TSPAN18: variants seen among roughly 807,000 people sequenced by gnomAD.
The protein encoded by TSPAN18 is tetraspanin-18.
TSPAN18 carries 14 observed loss-of-function variants against 27.3 expected under a neutral mutation model. The observed-to-expected ratio is 0.51, with a 90% CI of 0.34 to 0.80. TSPAN18 has a LOEUF of 0.80. TSPAN18 is among the 30% of genes least tolerant of loss of function. TSPAN18 has a pLI of 0.01. For synonymous variants in TSPAN18, 143 were observed against 136.5 expected (o/e 1.05, Z -0.33); for missense variants, 268 against 323.9 (o/e 0.83, Z 1.32).
At chr11:44,873,893 C>G (rs539402104) in intron 3 of TSPAN18, among the ~76,000 whole-genome samples, 4 of 152,286 alleles carry the variant, frequency 2.6e-5, no homozygotes, top group Non-Finnish European at 5.9e-5. Context: ...GAGGATTGGC[C>G]CCTCAGGGGG....
chr11:44,905,644 G>A (rs1362324298), intron 3 of TSPAN18, among the ~76,000 whole-genome samples: 1 of 152,246 alleles, frequency 6.6e-6, no homozygotes, highest in African/African-American at 2.4e-5. Context: ...GCATCTCAGT[G>A]CAGCCCCGGC....
chr11:44,887,596 C>T (rs1006384349), intron 3 of TSPAN18, among the ~76,000 whole-genome samples: 1 of 152,156 alleles, frequency 6.6e-6, no homozygotes, highest in Non-Finnish European at 1.5e-5. Flanking sequence ...CCTGTGTTCA[C>T]CTGCAAAAGG....
intron 3 of TSPAN18, among the ~76,000 whole-genome samples, chr11:44,904,198 C>A (rs1859371911): frequency 6.6e-6 from 1 of 152,196 alleles, no homozygotes; most frequent in African/African-American, 2.4e-5. Context: ...GTTTCCCCTT[C>A]CTAGTAAGAG....
intron 3 of TSPAN18, among the ~76,000 whole-genome samples, chr11:44,890,595 C>T (rs1232031824): frequency 2.0e-5 from 3 of 151,938 alleles, no homozygotes; most frequent in Admixed American, 6.6e-5. Flanking sequence ...TGGTGGCGGG[C>T]GCCTGTAGTC....
At chr11:44,867,261 A>C (rs953671630) in intron 3 of TSPAN18, among the ~76,000 whole-genome samples, 5 of 151,978 alleles carry the variant, frequency 3.3e-5, no homozygotes, top group African/African-American at 7.3e-5. Context: ...ATGGAAGCTC[A>C]AGTTTGAGGG....
chr11:44,866,205 C>G (rs973204206), intron 3 of TSPAN18, among the ~76,000 whole-genome samples: 1 of 152,242 alleles, frequency 6.6e-6, no homozygotes, highest in Non-Finnish European at 1.5e-5. Context: ...TGGGGCCCAG[C>G]ACATCATCGG....
chr11:44,734,744 G>A (rs1222310634), intron 1 of TSPAN18, among the ~76,000 whole-genome samples: 2 of 152,200 alleles, frequency 1.3e-5, no homozygotes, highest in African/African-American at 4.8e-5. Context: ...CTCCCACAGT[G>A]GGTTCAGGGC....
intron 2 of TSPAN18, among the ~76,000 whole-genome samples, chr11:44,819,740 T>G (rs2135118315): frequency 6.6e-6 from 1 of 152,100 alleles, no homozygotes; most frequent in South Asian, 2.1e-4. Flanking sequence ...TTTTTTTCTT[T>G]ATGCATACTG....
At chr11:44,786,256 G>C (rs749591358) in intron 2 of TSPAN18, among the ~76,000 whole-genome samples, 7 of 152,246 alleles carry the variant, frequency 4.6e-5, no homozygotes, top group Non-Finnish European at 7.3e-5. Context: ...GAGGCTCAGA[G>C]GATGGTCCCT....
intron 3 of TSPAN18, 59 bp from the exon 4 acceptor site, chr11:44,906,347 TG>T: frequency 6.7e-7 from 1 of 1,498,722 alleles, no homozygotes; most frequent in Non-Finnish European, 9.3e-7. Context: ...GGGGAGGGGC[TG>T]GGGTTCTTCC....
At chr11:44,806,269 A>T (rs1856592268) in intron 2 of TSPAN18, among the ~76,000 whole-genome samples, 1 of 152,186 alleles carries the variant, frequency 6.6e-6, no homozygotes, top group Non-Finnish European at 1.5e-5. Context: ...TCCTGACCTC[A>T]GGAGATCCAC....
chr11:44,848,925 G>A lies in TSPAN18; in HGVS notation c.-152-11403G>A, dbSNP rs187420849. Among the ~76,000 whole-genome samples the A allele has an allele frequency of 9.2e-4, 140 of 152,346 alleles. 1 individual carries two copies. In the Middle Eastern group the frequency reaches 0.01, roughly 11 times the overall value. ...ATCAGGAGGCAGGTGCTGGGGCCCAGCAGTCAGGCAGAACTGAGTTCAAGT... is the reference window on the plus strand; with the variant it reads ...ATCAGGAGGCAGGTGCTGGGGCCCAACAGTCAGGCAGAACTGAGTTCAAGT... On this transcript the variant is annotated intron_variant, in intron 2 of 9. Coordinates refer to ENST00000520358, the MANE Select transcript of TSPAN18 (RefSeq NM_130783.5).
intron 1 of TSPAN18, chr11:44,736,114 T>C (rs753020463): frequency 3.9e-5 from 6 of 152,232 alleles, no homozygotes; most frequent in Non-Finnish European, 8.8e-5. Flanking sequence ...AGTAAGTGAC[T>C]GGTAAATTAC....
intron 3 of TSPAN18, among the ~76,000 whole-genome samples, chr11:44,901,631 CA>C (rs1406693634): frequency 6.6e-6 from 1 of 152,254 alleles, no homozygotes; most frequent in Non-Finnish European, 1.5e-5. Context: ...AGGCCAGAGA[CA>C]GAAAGTGATT....
chr11:44,890,024 A>G (rs750389408), intron 3 of TSPAN18, among the ~76,000 whole-genome samples: 5 of 152,120 alleles, frequency 3.3e-5, no homozygotes, highest in African/African-American at 9.7e-5. Context: ...GGCTCGTTCC[A>G]TGGAGTTTAG....
chr11:44,871,278 C>T (rs11604664), intron 3 of TSPAN18, among the ~76,000 whole-genome samples: 33,301 of 152,036 alleles, frequency 0.22, 4,156 homozygotes, highest in Non-Finnish European at 0.3. Context: ...GGTAGGGTTC[C>T]TGGTGAAGGC....
Position 44,931,028 on chromosome 11 carries a change from C to A in TSPAN18, c.*1850C>A. ...CTGAGATGCAGCCAGAAGCTCTGTG[C>A]CTGCTGCAAAGATTCAGGTGGACCC... On this transcript the variant is annotated 3_prime_UTR_variant, in exon 10 of 10. Coordinates refer to ENST00000520358, the MANE Select transcript of TSPAN18 (RefSeq NM_130783.5). The A allele has an allele frequency of 2.2e-6, 1 of 456,414 alleles. No individual in the cohort carries two copies. Among genetic ancestry groups the A allele is most frequent in the Non-Finnish European group, 4.5e-6 (1 of 224,514 alleles). 28.3% of individuals were successfully genotyped at this position (456,414 alleles called of 1,614,324 possible).
intron 1 of TSPAN18, among the ~76,000 whole-genome samples, chr11:44,739,288 CT>C (rs1324837632): frequency 6.6e-6 from 1 of 152,032 alleles, no homozygotes; most frequent in East Asian, 1.9e-4. Context: ...CCCTCCGTAT[CT>C]TTTTTTTGGA....
At position 44,756,586 on chromosome 11, in the gene TSPAN18, G is replaced by T. The variant is rs182906952; in HGVS notation, c.-239-7840G>T. On this transcript the variant is annotated intron_variant, in intron 1 of 9. Coordinates refer to ENST00000520358, the MANE Select transcript of TSPAN18 (RefSeq NM_130783.5). ...TTCTTCCCATTTTCCTCTCCTCCCAGCCCCTGGTAACCTCCATTCTATTTC... is the reference window on the plus strand; with the variant it reads ...TTCTTCCCATTTTCCTCTCCTCCCATCCCCTGGTAACCTCCATTCTATTTC... Among the ~76,000 whole-genome samples the T allele has an allele frequency of 3.3e-5, 5 of 152,076 alleles. No individual in the cohort carries two copies. In the East Asian group the frequency reaches 5.8e-4, roughly 18 times the overall value.
Sources: gnomAD v4.1 joint callset for allele counts (sites outside exome capture counted in the v4.1 genomes callset) on GRCh38, gnomAD v4.1.1 for gene constraint, MANE v1.5 for transcripts, NCBI Gene and HGNC (gene_info 2026-07-23, HGNC 2026-07-21) for gene names.